The following GIGYF2 variants were observed in gnomAD, a reference collection of about 807,000 sequenced individuals.
GIGYF2 encodes the protein GRB10 interacting GYF protein 2.
In GIGYF2, 25 loss-of-function variants were observed where a neutral mutation model predicts 208.1. The ratio of observed to expected loss-of-function variants is 0.12; its 90% confidence interval spans 0.09 to 0.17. The LOEUF is 0.17. GIGYF2 is among the 10% of genes least tolerant of loss of function. GIGYF2 has a pLI of 1.00. For missense variants in GIGYF2, 1,302 were observed against 1,579.4 expected, an observed-to-expected ratio of 0.82 and a Z score of 2.98; for synonymous variants, 534 against 543.8, an observed-to-expected ratio of 0.98 and a Z score of 0.25.
At chr2:232,756,686 C>T in intron 6 of GIGYF2, among the ~76,000 whole-genome samples, 1 of 152,188 alleles carries the variant, frequency 6.6e-6, no homozygotes, top group East Asian at 1.9e-4. Flanking sequence ...GAAGTACCTG[C>T]AGTCCTCTGT....
At chr2:232,798,363 T>C (rs1700289278) in intron 14 of GIGYF2, among the ~76,000 whole-genome samples, 1 of 152,242 alleles carries the variant, frequency 6.6e-6, no homozygotes, top group African/African-American at 2.4e-5. Context: ...ATAAAGCTGC[T>C]ATAAACATTT....
At chr2:232,767,443 G>T (rs1574854998) in intron 8 of GIGYF2, 2 of 152,648 alleles carry the variant, frequency 1.3e-5, no homozygotes, top group East Asian at 3.9e-4. Context: ...TGATTATTAT[G>T]GAGGACAGTT....
chr2:232,738,307 G>A (rs1164866920), intron 3 of GIGYF2, among the ~76,000 whole-genome samples: 1 of 152,068 alleles, frequency 6.6e-6, no homozygotes, highest in African/African-American at 2.4e-5. Flanking sequence ...TATCATCAGA[G>A]CAGTTTAAAA....
intron 15 of GIGYF2, among the ~76,000 whole-genome samples, chr2:232,809,505 G>A (rs1031131130): frequency 6.6e-6 from 1 of 152,162 alleles, no homozygotes; most frequent in Admixed American, 6.5e-5. Flanking sequence ...TCACCTTAGG[G>A]AATCTTTTGT....
intron 28 of GIGYF2, among the ~76,000 whole-genome samples, chr2:232,854,446 T>A (rs1690473865): frequency 6.6e-6 from 1 of 152,102 alleles, no homozygotes; most frequent in South Asian, 2.1e-4. Context: ...TGAGCCAAGA[T>A]CACACCACTG....
intron 2 of GIGYF2, among the ~76,000 whole-genome samples, chr2:232,733,431 G>A (rs571511077): frequency 1.3e-5 from 2 of 152,250 alleles, no homozygotes; most frequent in South Asian, 4.1e-4. Flanking sequence ...TCAGAAGGAA[G>A]GCAGATAAAT....
intron 8 of GIGYF2, among the ~76,000 whole-genome samples, chr2:232,778,018 C>G (rs966464204): frequency 1.3e-5 from 2 of 152,064 alleles, no homozygotes; most frequent in African/African-American, 4.8e-5. Flanking sequence ...GTGATCACAG[C>G]TCACTGCAGC....
chr2:232,704,666 G>A (rs567245916), intron 2 of GIGYF2, among the ~76,000 whole-genome samples: 106 of 152,112 alleles, frequency 7.0e-4, no homozygotes, highest in South Asian at 1.9e-3. Flanking sequence ...CAAAGTGCTG[G>A]GATTACAGGT....
chr2:232,800,692 C>T (rs1700371082), intron 14 of GIGYF2, among the ~76,000 whole-genome samples: 1 of 151,702 alleles, frequency 6.6e-6, no homozygotes, highest in South Asian at 2.1e-4. Flanking sequence ...TCCAGTGATC[C>T]CACCCTAGCC....
chr2:232,735,309 T>A, intron 3 of GIGYF2, 71 bp downstream of exon 3: 1 of 1,089,630 alleles, frequency 9.2e-7, no homozygotes, highest in Non-Finnish European at 1.4e-6. Context: ...TGACAGGTGC[T>A]AGGTGGTTTA....
At chr2:232,814,918 A>T (rs540873718) in intron 18 of GIGYF2, among the ~76,000 whole-genome samples, 1 of 152,300 alleles carries the variant, frequency 6.6e-6, no homozygotes, top group Non-Finnish European at 1.5e-5. Context: ...AAATTAGAGA[A>T]TGCTGAAAAG....
At chr2:232,729,180 A>T (rs1697341360) in intron 2 of GIGYF2, among the ~76,000 whole-genome samples, 2 of 151,982 alleles carry the variant, frequency 1.3e-5, no homozygotes, top group Admixed American at 6.6e-5. Flanking sequence ...GGTTTTTGTC[A>T]TGTTGTCCAG....
intron 26 of GIGYF2, among the ~76,000 whole-genome samples, chr2:232,846,482 C>G (rs1702009655): frequency 6.7e-6 from 1 of 149,614 alleles, no homozygotes. Flanking sequence ...CAGGATTCCC[C>G]TAACTAATAG....
At chr2:232,762,855 A>G (rs1176511124) in intron 8 of GIGYF2, among the ~76,000 whole-genome samples, 3 of 152,030 alleles carry the variant, frequency 2.0e-5, no homozygotes, top group Non-Finnish European at 4.4e-5. Flanking sequence ...GTCTCTACAA[A>G]AAAGTACAAA....
intron 2 of GIGYF2, among the ~76,000 whole-genome samples, chr2:232,725,897 T>A (rs144199187): frequency 1.5e-4 from 23 of 152,342 alleles, no homozygotes; most frequent in African/African-American, 5.0e-4. Context: ...AATCTACCCT[T>A]ATTTATATAT....
At chr2:232,809,103 C>G (rs1379468064) in intron 15 of GIGYF2, among the ~76,000 whole-genome samples, 1 of 152,156 alleles carries the variant, frequency 6.6e-6, no homozygotes, top group African/African-American at 2.4e-5. Context: ...TGCCACCACA[C>G]CCAGCTGATT....
At position 232,847,501 on chromosome 2, in the gene GIGYF2, A is replaced by AGCAGCAGCAGCTGCC. The variant is rs1440202293; in HGVS notation, c.3615_3629dup (p.Leu1209_Gln1213dup). The AGCAGCAGCAGCTGCC allele has an allele frequency of 2.1e-6, 3 of 1,396,258 alleles. No homozygotes were observed. The highest frequency in any genetic ancestry group is 2.4e-5 in the South Asian group (2 of 84,966). The allele number at this position is 1,396,258 out of a possible 1,614,324, so 86.5% of individuals were successfully genotyped here. A position where few individuals can be genotyped will look rare whatever the true frequency, so the allele number is the denominator to read the frequency against. On this transcript the variant is annotated inframe_insertion, in exon 27 of 29. Transcript: ENST00000373563. ...AAACAGAAAGCCAACCAGCAGCGTCAGCAGCAGCAGCTGCCACAGCAGCAG... is the reference window on the plus strand; with the variant it reads ...AAACAGAAAGCCAACCAGCAGCGTCAGCAGCAGCAGCTGCCGCAGCAGCAGCTGCCACAGCAGCAG...
chr2:232,811,717 A>G lies in GIGYF2; in HGVS notation c.2006+366A>G, dbSNP rs1700739564. Among the ~76,000 whole-genome samples the G allele has an allele frequency of 2.6e-5, 4 of 152,240 alleles. No individual in the cohort carries two copies. The South Asian group carries it at 8.3e-4, about 32-fold the overall frequency. ...ACACCACAAAAGGTTGTAATTTTCT[A>G]GAACTCAGAAGCCATTAAGGTAGGT... is the stretch of plus-strand genomic sequence containing the variant. On this transcript the variant is annotated intron_variant, in intron 17 of 28. Coordinates refer to ENST00000373563, the MANE Select transcript of GIGYF2 (RefSeq NM_001103146.3).
At position 232,860,418 on chromosome 2, in the gene GIGYF2, G is replaced by T. The variant is rs1390071729; in HGVS notation, c.*3558G>T. 6.7e-6 allele frequency: 1 copy of T among 148,994 alleles called. No homozygotes were observed. Among genetic ancestry groups the T allele is most frequent in the Non-Finnish European group, 1.5e-5 (1 of 67,456 alleles). 9.2% of individuals were successfully genotyped at this position (148,994 alleles called of 1,614,324 possible). Reference sequence around the variant, plus strand: ...TATATATACAAATATGTATATAAAAGTATATGTTTTACATTTTCAATATAT... The same window carrying T: ...TATATATACAAATATGTATATAAAATTATATGTTTTACATTTTCAATATAT... On this transcript the variant is annotated 3_prime_UTR_variant, in exon 29 of 29. Transcript: ENST00000373563.
Sources: gnomAD v4.1 joint callset for allele counts (sites outside exome capture counted in the v4.1 genomes callset) on GRCh38, gnomAD v4.1.1 for gene constraint, MANE v1.5 for transcripts, NCBI Gene and HGNC (gene_info 2026-07-23, HGNC 2026-07-21) for gene names.